Variants in SLIT3 observed in about 807,000 individuals in gnomAD.
SLIT3 encodes the protein slit homolog 3 protein.
A neutral mutation model predicts 184.0 loss-of-function variants in SLIT3; 68 were observed. The observed-to-expected ratio is 0.37, with a 90% CI of 0.30 to 0.45. The LOEUF is 0.45. Among genes scored for constraint, SLIT3 ranks in the 20% least tolerant of loss-of-function variants. SLIT3 has a pLI of 1.00. For synonymous variants in SLIT3, 831 were observed against 828.6 expected, an observed-to-expected ratio of 1.00 and a Z score of -0.05; for missense variants, 1,707 against 2,026.0, an observed-to-expected ratio of 0.84 and a Z score of 3.02.
At chr5:168,822,009 G>A (rs2113667114) in intron 7 of SLIT3, among the ~76,000 whole-genome samples, 1 of 152,220 alleles carries the variant, frequency 6.6e-6, no homozygotes, top group South Asian at 2.1e-4. Context: ...AAATCTCCTG[G>A]AGGGCTTATG....
rs763480203 is a variant in SLIT3, at chr5:168,710,996, T to G, written c.2618A>C (p.Lys873Thr). Residue 873 changes from lysine (K) to threonine (T), a missense_variant, in exon 25 of 36, where the codon AAG (lysine) becomes ACG (threonine). Transcript: ENST00000519560. ...CSLRWLSEWV[K>T]AGYKEPGIAR... ...GATGCCAGGCTCCTTGTACCCCGCC[T>G]TCACCCACTCCGACAGCCACCGAAG... 6.4e-7 allele frequency: 1 copy of G among 1,573,698 alleles called. No homozygotes were observed.
rs28434105 is a variant in SLIT3 at position 169,008,660 on chromosome 5, T to G, written c.414-125324A>C. On this transcript the variant is annotated intron_variant, in intron 4 of 35. Transcript: ENST00000519560. ...TGTTGTTGCTGCTGCTGTTGTTGTT[T>G]TTTTTTAACTTTTTAATAAAAATAG... Among the ~76,000 whole-genome samples, 1,284 of 152,270 alleles carry G rather than the reference T, an allele frequency of 8.4e-3. 18 individuals are homozygous for G. The highest frequency in any genetic ancestry group is 0.028 in the African/African-American group (1,159 of 41,540).
intron 7 of SLIT3, among the ~76,000 whole-genome samples, chr5:168,821,738 G>A (rs1330660652): frequency 6.6e-6 from 1 of 152,064 alleles, no homozygotes; most frequent in Non-Finnish European, 1.5e-5. Context: ...GTGTTAAACT[G>A]CACTTCATTC....
chr5:168,795,075 T>C lies in SLIT3; in HGVS notation c.1007+432A>G, dbSNP rs147369535. On this transcript the variant is annotated intron_variant, in intron 10 of 35. Coordinates refer to ENST00000519560, the MANE Select transcript of SLIT3 (RefSeq NM_003062.4). The stretch of plus-strand genomic sequence containing the variant: ...TCCTTGCTTGCAGCAGACATTCACT[T>C]GGTATTTGTTATATGAATGTATGCC... Among the ~76,000 whole-genome samples, 219 of 152,306 alleles carry C rather than the reference T, an allele frequency of 1.4e-3. 1 individual carries two copies. Among genetic ancestry groups the C allele is most frequent in the African/African-American group, 5.0e-3 (208 of 41,570 alleles).
chr5:168,723,256 T>G (rs912245492), intron 21 of SLIT3, among the ~76,000 whole-genome samples: 5 of 149,716 alleles, frequency 3.3e-5, no homozygotes, highest in South Asian at 2.2e-4. Flanking sequence ...CTTACCCATC[T>G]ACCCCTCACA....
chr5:168,838,240 G>A (rs1214020208), intron 6 of SLIT3, among the ~76,000 whole-genome samples: 3 of 152,226 alleles, frequency 2.0e-5, no homozygotes, highest in East Asian at 1.9e-4. Context: ...TAGTCCCCTC[G>A]TACTTGCCAC....
intron 16 of SLIT3, among the ~76,000 whole-genome samples, chr5:168,757,627 G>C (rs1283031990): frequency 6.6e-6 from 1 of 152,138 alleles, no homozygotes; most frequent in African/African-American, 2.4e-5. Context: ...AGTAGAGACG[G>C]GGTTTCACCG....
At chr5:168,805,462 C>T (rs1027125773) in intron 9 of SLIT3, among the ~76,000 whole-genome samples, 6 of 152,044 alleles carry the variant, frequency 3.9e-5, no homozygotes, top group African/African-American at 1.4e-4. Flanking sequence ...ATATAATGAT[C>T]TTTTTAATCA....
At chr5:169,113,099 G>A (rs752649423) in intron 4 of SLIT3, among the ~76,000 whole-genome samples, 3 of 152,150 alleles carry the variant, frequency 2.0e-5, no homozygotes, top group Non-Finnish European at 4.4e-5. Context: ...TGGCGTTCAA[G>A]TGTACAGCTC....
rs191055320 is a variant in SLIT3, at chr5:168,834,156, C to A, written c.557+10428G>T. On this transcript the variant is annotated intron_variant, in intron 6 of 35. Coordinates refer to ENST00000519560, the MANE Select transcript of SLIT3 (RefSeq NM_003062.4). ...GGGTTAATGGGCTTGGTTCCCTAACCGGCTGCCGCATCTCTAGTATACCTG... is the reference window on the plus strand; with the variant it reads ...GGGTTAATGGGCTTGGTTCCCTAACAGGCTGCCGCATCTCTAGTATACCTG... 3.9e-5 allele frequency among the ~76,000 whole-genome samples: 6 copies of A among 152,280 alleles called. No homozygotes were observed. In the South Asian group the frequency reaches 1.2e-3, roughly 32 times the overall value.
intron 4 of SLIT3, among the ~76,000 whole-genome samples, chr5:168,980,659 C>T (rs1391554132): frequency 1.3e-5 from 2 of 152,126 alleles, no homozygotes; most frequent in African/African-American, 4.8e-5. Context: ...GGCTACAAGG[C>T]TAAGAACTTA....
chr5:169,285,645 C>T (rs995707000), intron 1 of SLIT3, among the ~76,000 whole-genome samples: 1 of 152,216 alleles, frequency 6.6e-6, no homozygotes, highest in African/African-American at 2.4e-5. Flanking sequence ...CTGCACACCT[C>T]TTCTCAGAGT....
At chr5:168,714,998 G>A (rs1004460685) in intron 23 of SLIT3, among the ~76,000 whole-genome samples, 2 of 152,154 alleles carry the variant, frequency 1.3e-5, no homozygotes, top group African/African-American at 2.4e-5. Flanking sequence ...TGAACCCCTA[G>A]GTCCTACGGT....
chr5:169,066,508 A>C (rs1383608282), intron 4 of SLIT3, among the ~76,000 whole-genome samples: 2 of 152,234 alleles, frequency 1.3e-5, no homozygotes, highest in Non-Finnish European at 2.9e-5. Flanking sequence ...CTTGAAACCT[A>C]GGAAAATAAT....
intron 5 of SLIT3, among the ~76,000 whole-genome samples, chr5:168,862,099 T>C (rs1335133115): frequency 2.6e-5 from 4 of 152,164 alleles, no homozygotes; most frequent in African/African-American, 9.7e-5. Context: ...TTATTTTTCA[T>C]GTAGCTGGAA....
intron 4 of SLIT3, among the ~76,000 whole-genome samples, chr5:169,049,136 G>A (rs1422063302): frequency 6.6e-6 from 1 of 152,210 alleles, no homozygotes; most frequent in Non-Finnish European, 1.5e-5. Flanking sequence ...TGTCACATGA[G>A]CTTTTTGGGG....
chr5:169,022,421 GA>G (rs1425443200), intron 4 of SLIT3, among the ~76,000 whole-genome samples: 2 of 152,244 alleles, frequency 1.3e-5, no homozygotes, highest in African/African-American at 4.8e-5. Context: ...AAAGGAGGCA[GA>G]GGGATTATTT....
chr5:168,994,502 C>A (rs1220807855), intron 4 of SLIT3, among the ~76,000 whole-genome samples: 1 of 152,102 alleles, frequency 6.6e-6, no homozygotes, highest in South Asian at 2.1e-4. Flanking sequence ...TCTGTTTTCA[C>A]ACCCACATAA....
chr5:168,696,275 A>G lies in SLIT3; in HGVS notation c.3082+17T>C. On this transcript the variant is annotated intron_variant, in intron 28 of 35. Transcript: ENST00000519560. ...CACCCCTCCACCCCACCATACATAC[A>G]GTCATGAGATCCTTACCTGTGTAGT... 3.1e-6 allele frequency: 5 copies of G among 1,614,138 alleles called. No individual in the cohort carries two copies. Among genetic ancestry groups the G allele is most frequent in the Non-Finnish European group, 4.2e-6 (5 of 1,180,000 alleles).
Sources: allele counts gnomAD v4.1 joint callset (sites outside exome capture counted in the v4.1 genomes callset), GRCh38; gene constraint gnomAD v4.1.1; transcripts MANE v1.5; gene names NCBI Gene and HGNC (gene_info 2026-07-23, HGNC 2026-07-21).